The following ATG4D variants were observed in gnomAD, a reference collection of about 807,000 sequenced individuals.
ATG4D encodes autophagy related 4D cysteine peptidase, also known as cysteine protease ATG4D.
ATG4D carries 51 observed loss-of-function variants against 55.2 expected under a neutral mutation model. The observed-to-expected ratio is 0.92, with a 90% confidence interval of 0.74 to 1.17. ATG4D has a LOEUF of 1.17. Ranked by LOEUF, ATG4D falls within the 50% of genes most tolerant of loss-of-function variation. The pLI, the probability that ATG4D is intolerant of heterozygous loss-of-function variation, is 0.00. For missense variants in ATG4D, 635 were observed against 649.6 expected, an observed-to-expected ratio of 0.98 and a Z score of 0.25; for synonymous variants, 268 against 266.2, an observed-to-expected ratio of 1.01 and a Z score of -0.07.
In ATG4D at chr19:10,552,206, C is replaced by T; in HGVS notation, c.1124C>T (p.Ser375Phe). The change falls in exon 9 of 10, where the codon TCC (serine) becomes TTC (phenylalanine). Residue 375 changes from serine to phenylalanine, a missense_variant and splice_region_variant. Coordinates refer to ENST00000309469, the MANE Select transcript of ATG4D (RefSeq NM_032885.6). Reference sequence around the variant, plus strand: ...GCCTTCCTCGTCTGTCTGCCCCAGTCCTTCCACTGCACCTCGCCCCGCAAG... The same window carrying T: ...GCCTTCCTCGTCTGTCTGCCCCAGTTCTTCCACTGCACCTCGCCCCGCAAG... ...DVSQADFPLE[S>F]FHCTSPRKMA... The T allele has an allele frequency of 6.2e-7, 1 of 1,612,478 alleles. No homozygotes were observed. The highest frequency in any genetic ancestry group is 8.5e-7 in the Non-Finnish European group (1 of 1,179,994).
intron 9 of ATG4D, 79 bp from the exon 10 acceptor site, chr19:10,552,806 G>C: frequency 6.9e-7 from 1 of 1,439,726 alleles, no homozygotes; most frequent in Non-Finnish European, 9.4e-7. Flanking sequence ...GTCCTGAGAA[G>C]CACCTACTAA....
intron 6 of ATG4D, among the ~76,000 whole-genome samples, chr19:10,550,102 G>C (rs1227480558): frequency 6.6e-6 from 1 of 151,466 alleles, no homozygotes; most frequent in Non-Finnish European, 1.5e-5. Context: ...CCGCTTCCCA[G>C]GTTCAAGCAA....
At chr19:10,552,807 C>A in intron 9 of ATG4D, 78 bp from the exon 10 acceptor site, 1 of 1,442,460 alleles carries the variant, frequency 6.9e-7, no homozygotes, top group Non-Finnish European at 9.4e-7. Context: ...TCCTGAGAAG[C>A]ACCTACTAAA....
intron 9 of ATG4D, 63 bp from the exon 10 acceptor site, chr19:10,552,822 C>A: frequency 6.6e-7 from 1 of 1,513,454 alleles, no homozygotes; most frequent in South Asian, 1.2e-5. Flanking sequence ...ACTAAATAAA[C>A]CTGGGCTAAG....
intron 1 of ATG4D, 41 bp downstream of exon 1, chr19:10,544,366 G>A (rs1471226773): frequency 6.2e-6 from 8 of 1,287,596 alleles, no homozygotes; most frequent in Non-Finnish European, 7.9e-6. Context: ...GTCGGGGGCC[G>A]TTGAGGAAAA....
In ATG4D at chr19:10,552,058, G is replaced by A. The variant is rs746423145; in HGVS notation, c.1059G>A (p.Leu353=). Residue 353 remains leucine (L), a synonymous_variant, in exon 8 of 10, where the codon CTG becomes CTA. Transcript: ENST00000309469. ...YFIGYQDDFL[L]YLDPHYCQPT... is the part of the protein sequence containing the mutation. Reference sequence around the variant, plus strand: ...CACCCCCTGCAGATGACTTCCTGCTGTACCTGGACCCTCACTACTGCCAGC... The same window carrying A: ...CACCCCCTGCAGATGACTTCCTGCTATACCTGGACCCTCACTACTGCCAGC... The A allele has an allele frequency of 6.2e-7, 1 of 1,610,656 alleles. No homozygotes were observed. The highest frequency in any genetic ancestry group is 8.5e-7 in the Non-Finnish European group (1 of 1,179,736).
In ATG4D at chr19:10,552,984, G is replaced by T. The variant is rs775975025; in HGVS notation, c.1342G>T (p.Ala448Ser). 1 of 1,613,378 alleles carries T rather than the reference G, an allele frequency of 6.2e-7. No homozygotes were observed. The highest frequency in any genetic ancestry group is 1.1e-5 in the South Asian group (1 of 91,086). The change falls in exon 10 of 10, where the codon GCC becomes TCC. Residue 448 changes from alanine to serine, a missense_variant. Coordinates refer to ENST00000309469, the MANE Select transcript of ATG4D (RefSeq NM_032885.6). ...HSLDDLCSQL[A>S]QPTLRLPRTG... Reference sequence around the variant, plus strand: ...CCTGGACGACCTCTGCTCCCAGCTCGCCCAGCCCACACTCCGGCTCCCTCG... The same window carrying T: ...CCTGGACGACCTCTGCTCCCAGCTCTCCCAGCCCACACTCCGGCTCCCTCG...
intron 1 of ATG4D, 161 bp from the exon 2 acceptor site, chr19:10,544,622 C>A: frequency 1.5e-6 from 2 of 1,363,932 alleles, no homozygotes. Context: ...GGTGGACACT[C>A]CTGTAGCTGT....
intron 6 of ATG4D, among the ~76,000 whole-genome samples, chr19:10,549,449 G>C (rs957373803): frequency 6.7e-6 from 1 of 149,812 alleles, no homozygotes; most frequent in East Asian, 2.0e-4. Flanking sequence ...ACAGAGTCTT[G>C]CTCTTTTGCC....
At position 10,549,128 on chromosome 19, in the gene ATG4D, CTT is replaced by C. The variant is rs35786570; in HGVS notation, c.966+105_966+106del. Reference sequence around the variant, plus strand: ...GCTGCTGTTTGTGCAGCCCTCATCACTTTTTTTTTTTTGAGATGGAGTTTCGC... The same window carrying C: ...GCTGCTGTTTGTGCAGCCCTCATCACTTTTTTTTTTGAGATGGAGTTTCGC... On this transcript the variant is annotated intron_variant, in intron 6 of 9. Coordinates refer to ENST00000309469, the MANE Select transcript of ATG4D (RefSeq NM_032885.6). 3.7e-4 allele frequency: 424 copies of C among 1,133,134 alleles called. 1 individual carries two copies. Among genetic ancestry groups the C allele is most frequent in the East Asian group, 1.0e-3 (31 of 30,652 alleles). 70.2% of individuals were successfully genotyped at this position (1,133,134 alleles called of 1,614,324 possible). A position where few individuals can be genotyped will look rare whatever the true frequency, so the allele number is the denominator to read the frequency against.
chr19:10,544,180 T>C lies in ATG4D; in HGVS notation c.90T>C (p.Gly30=), dbSNP rs981012679. ...GGCCCGAGGCCCGCAGGCCGCGGGG[T>C]CCCAGAGGCCCAGACCCCAACGGCC... ...RRRPEARRPR[G]PRGPDPNGLG... is the part of the protein sequence containing the mutation. Residue 30 remains glycine, a synonymous_variant, in exon 1 of 10, where the codon GGT becomes GGC. Coordinates refer to ENST00000309469, the MANE Select transcript of ATG4D (RefSeq NM_032885.6). 1 of 1,245,494 alleles carries C rather than the reference T, an allele frequency of 8.0e-7. No individual in the cohort carries two copies. Among genetic ancestry groups the C allele is most frequent in the Non-Finnish European group, 1.0e-6 (1 of 987,764 alleles). 77.2% of individuals were successfully genotyped at this position (1,245,494 alleles called of 1,614,324 possible).
chr19:10,547,374 G>C, intron 5 of ATG4D, 121 bp downstream of exon 5: 1 of 1,230,502 alleles, frequency 8.1e-7, no homozygotes, highest in East Asian at 2.5e-5. Flanking sequence ...GGGACACTGG[G>C]GAAGGATGCA....
chr19:10,551,099 T>C (rs8108051), intron 6 of ATG4D: 59,558 of 152,090 alleles, frequency 0.39, 12,585 homozygotes, highest in Non-Finnish European at 0.48. Flanking sequence ...GTTTGACCTC[T>C]TTACTTAAAA....
Position 10,552,121 on chromosome 19 carries a change from G to C in ATG4D, c.1122G>C (p.Glu374Asp), listed in dbSNP as rs141346756. ...VDVSQADFPL[E>D]SFHCTSPRKM... ...TCAGCCAGGCCGACTTCCCCCTGGA[G>C]GTGAGTGGGAGCCCCAGTGTGTGGT... The change falls in exon 8 of 10, where the codon GAG (glutamate) becomes GAC (aspartate). Residue 374 changes from glutamate (E) to aspartate (D), a missense_variant and splice_region_variant. Physicochemically the swap from Glu to Asp is conservative, Grantham distance 45 (BLOSUM62 2). Coordinates refer to ENST00000309469, the MANE Select transcript of ATG4D (RefSeq NM_032885.6). 3.3e-4 allele frequency: 533 copies of C among 1,611,828 alleles called. 6 individuals carry two copies. The Middle Eastern group carries it at 3.8e-3, about 11-fold the overall frequency.
At chr19:10,549,146 G>A in intron 6 of ATG4D, 112 bp downstream of exon 6, 1 of 1,364,776 alleles carries the variant, frequency 7.3e-7, no homozygotes, top group Admixed American at 2.6e-5. Flanking sequence ...TTTTTGAGAT[G>A]GAGTTTCGCT....
At position 10,553,253 on chromosome 19, in the gene ATG4D, C is replaced by A; in HGVS notation, c.*186C>A. 2 of 743,054 alleles carry A rather than the reference C, an allele frequency of 2.7e-6. No homozygotes were observed. The highest frequency in any genetic ancestry group is 2.8e-5 in the East Asian group (1 of 35,798). 46.0% of individuals were successfully genotyped at this position (743,054 alleles called of 1,614,324 possible). A position where few individuals can be genotyped will look rare whatever the true frequency, so the allele number is the denominator to read the frequency against. ...CCACAGAGCCCATACACCTGTCTCC[C>A]ACCAGCGGGGCCCTCCTGGCAGGGT... On this transcript the variant is annotated 3_prime_UTR_variant, in exon 10 of 10. Coordinates refer to ENST00000309469, the MANE Select transcript of ATG4D (RefSeq NM_032885.6).
intron 5 of ATG4D, among the ~76,000 whole-genome samples, chr19:10,548,265 C>T (rs539521274): frequency 2.0e-5 from 3 of 148,802 alleles, no homozygotes; most frequent in South Asian, 2.1e-4. Flanking sequence ...GATCTCCTGA[C>T]CTCATGATCC....
In ATG4D at chr19:10,552,110, T is replaced by C. The variant is rs1319849497; in HGVS notation, c.1111T>C (p.Phe371Leu). 18 of 1,611,496 alleles carry C rather than the reference T, an allele frequency of 1.1e-5. No homozygotes were observed. Among genetic ancestry groups the C allele is most frequent in the Non-Finnish European group, 1.4e-5 (17 of 1,179,892 alleles). ...CACTGTGGATGTCAGCCAGGCCGAC[T>C]TCCCCCTGGAGGTGAGTGGGAGCCC... Reference protein sequence around the residue: ...QPTVDVSQADFPLESFHCTSP... With the variant: ...QPTVDVSQADLPLESFHCTSP... The change falls in exon 8 of 10, where the codon TTC (phenylalanine) becomes CTC (leucine). Residue 371 changes from phenylalanine to leucine, a missense_variant. Transcript: ENST00000309469.
chr19:10,550,536 C>G (rs946210440), intron 6 of ATG4D, among the ~76,000 whole-genome samples: 1 of 152,038 alleles, frequency 6.6e-6, no homozygotes. Context: ...CACTATTTGT[C>G]CACACCACCT....
Sources: allele counts gnomAD v4.1 joint callset (sites outside exome capture counted in the v4.1 genomes callset), GRCh38; gene constraint gnomAD v4.1.1; transcripts MANE v1.5; gene names NCBI Gene and HGNC (gene_info 2026-07-23, HGNC 2026-07-21).